INIP: variants seen among roughly 807,000 people sequenced by gnomAD.
INIP encodes the protein INTS3 and NABP interacting protein, also known as SOSS complex subunit C.
A neutral mutation model predicts 14.0 loss-of-function variants in INIP; 9 were observed. That is an observed-to-expected ratio of 0.64 (90% CI 0.39 to 1.12). The LOEUF (loss-of-function observed/expected upper bound fraction) is 1.12, where lower values mean the gene tolerates loss of function less well. Ranked by LOEUF, INIP falls within the 50% of genes most tolerant of loss-of-function variation. The probability of loss-of-function intolerance (pLI) is 0.01; values close to 1 mark genes in which losing one functional copy is unlikely to be tolerated. For synonymous variants in INIP, 37 were observed against 41.5 expected (o/e 0.89, Z 0.41); for missense variants, 78 against 122.7 (o/e 0.64, Z 1.72).
At chr9:112,702,605 G>T (rs1014596953) in intron 2 of INIP, among the ~76,000 whole-genome samples, 5 of 151,906 alleles carry the variant, frequency 3.3e-5, no homozygotes, top group Admixed American at 2.6e-4. Flanking sequence ...TCGCTCTGTC[G>T]CCAGGCTGGA....
chr9:112,697,627 A>T (rs1473272312), intron 2 of INIP, among the ~76,000 whole-genome samples: 1 of 152,158 alleles, frequency 6.6e-6, no homozygotes, highest in Non-Finnish European at 1.5e-5. Flanking sequence ...ACATTCTCCT[A>T]GTACCCCTAC....
rs2131275036 is a variant in INIP at position 112,687,034 on chromosome 9, T to A, written c.*504A>T. 1 of 152,442 alleles carries A rather than the reference T, an allele frequency of 6.6e-6. No individual in the cohort carries two copies. Among genetic ancestry groups the A allele is most frequent in the South Asian group, 2.1e-4 (1 of 4,830 alleles). 9.4% of individuals were successfully genotyped at this position (152,442 alleles called of 1,614,324 possible). ...TGAAAAAGGGGGAAGTAGTTATAAG[T>A]CCAGAAAGAATATTTCAGGATGATA... is the stretch of plus-strand genomic sequence containing the variant. On this transcript the variant is annotated 3_prime_UTR_variant, in exon 5 of 5. Transcript: ENST00000374242.
At position 112,700,524 on chromosome 9, in the gene INIP, A is replaced by AAT. The variant is rs1220525854; in HGVS notation, c.26-6293_26-6292dup. Among the ~76,000 whole-genome samples, 276 of 137,108 alleles carry AAT rather than the reference A, an allele frequency of 2.0e-3. 1 individual carries two copies. The highest frequency in any genetic ancestry group is 9.9e-3 in the East Asian group (49 of 4,960). 89.9% of individuals were successfully genotyped at this position (137,108 alleles called of 152,430 possible). The stretch of plus-strand genomic sequence containing the variant: ...AAAGACTTATAAATTAGGTATATAT[A>AAT]ATATATATATATATTATATATACCT... On this transcript the variant is annotated intron_variant, in intron 2 of 4. Transcript: ENST00000374242.
chr9:112,687,754 TA>T, intron 4 of INIP, 121 bp from the exon 5 acceptor site: 1 of 530,578 alleles, frequency 1.9e-6, no homozygotes, highest in Non-Finnish European at 3.3e-6. Flanking sequence ...TTTATTCATT[TA>T]TTTTTCATTG....
intron 2 of INIP, chr9:112,701,890 A>C (rs1020294842): frequency 1.3e-5 from 2 of 152,036 alleles, no homozygotes; most frequent in Non-Finnish European, 2.9e-5. Context: ...TCTGTACAAA[A>C]AAAAAAAAAA....
intron 3 of INIP, among the ~76,000 whole-genome samples, chr9:112,693,094 A>C (rs920848547): frequency 1.3e-5 from 2 of 152,018 alleles, no homozygotes; most frequent in Non-Finnish European, 2.9e-5. Flanking sequence ...TTCTAGTTAG[A>C]ATGTTTACAA....
At chr9:112,688,442 G>A (rs982473209) in intron 4 of INIP, among the ~76,000 whole-genome samples, 2 of 150,622 alleles carry the variant, frequency 1.3e-5, no homozygotes, top group African/African-American at 2.4e-5. Context: ...GGTAGAGAAC[G>A]TTGGAATGTA....
intron 2 of INIP, among the ~76,000 whole-genome samples, chr9:112,706,602 T>C (rs1465547757): frequency 2.0e-5 from 3 of 152,058 alleles, no homozygotes; most frequent in African/African-American, 7.2e-5. Context: ...TCAAACTTAC[T>C]CTAACTAGGG....
At chr9:112,700,539 T>TATA (rs1564232133) in intron 2 of INIP, among the ~76,000 whole-genome samples, 27 of 104,404 alleles carry the variant, frequency 2.6e-4, no homozygotes, top group African/African-American at 1.3e-3. Flanking sequence ...ATATATATAT[T>TATA]ATATATACCT....
intron 3 of INIP, among the ~76,000 whole-genome samples, chr9:112,692,197 T>TA (rs1203531163): frequency 5.9e-5 from 9 of 152,118 alleles, no homozygotes; most frequent in Non-Finnish European, 1.2e-4. Flanking sequence ...GAGGCATCAA[T>TA]AAGTGAGAAA....
At chr9:112,701,488 A>G (rs1473484951) in intron 2 of INIP, among the ~76,000 whole-genome samples, 4 of 152,242 alleles carry the variant, frequency 2.6e-5, no homozygotes, top group Non-Finnish European at 5.9e-5. Context: ...ACGTTTCCCT[A>G]AAAGTTACAT....
At chr9:112,692,011 A>G (rs992687434) in intron 3 of INIP, among the ~76,000 whole-genome samples, 1 of 151,808 alleles carries the variant, frequency 6.6e-6, no homozygotes, top group Middle Eastern at 3.2e-3. Context: ...GTCTCAAAAA[A>G]AAAGAAAAAA....
chr9:112,714,731 T>C (rs1838752103), intron 2 of INIP, among the ~76,000 whole-genome samples: 1 of 152,218 alleles, frequency 6.6e-6, no homozygotes, highest in Admixed American at 6.5e-5. Flanking sequence ...AGATTAATAA[T>C]ATAAAGGATG....
chr9:112,692,364 AG>A (rs768813082), intron 3 of INIP, among the ~76,000 whole-genome samples: 3 of 152,158 alleles, frequency 2.0e-5, no homozygotes, highest in Admixed American at 6.5e-5. Flanking sequence ...AGCTCATTGC[AG>A]CCCCAACCTC....
chr9:112,706,496 C>T (rs1472157170), intron 2 of INIP, among the ~76,000 whole-genome samples: 1 of 152,034 alleles, frequency 6.6e-6, no homozygotes, highest in Non-Finnish European at 1.5e-5. Context: ...TCAAGCAATC[C>T]TCCTGCCTCA....
chr9:112,687,724 C>T (rs777889265), intron 4 of INIP, 91 bp from the exon 5 acceptor site: 1 of 605,944 alleles, frequency 1.7e-6, no homozygotes, highest in Non-Finnish European at 2.8e-6. Flanking sequence ...TTTCTGAATG[C>T]TTGAGACCAA....
chr9:112,709,938 G>C (rs1276160921), intron 2 of INIP, among the ~76,000 whole-genome samples: 1 of 152,192 alleles, frequency 6.6e-6, no homozygotes, highest in Admixed American at 6.5e-5. Context: ...CAATTAAAAT[G>C]CAACAAAAAG....
intron 2 of INIP, among the ~76,000 whole-genome samples, chr9:112,712,849 AAAGACATC>A (rs1031021782): frequency 3.3e-5 from 5 of 152,244 alleles, no homozygotes; most frequent in African/African-American, 9.6e-5. Flanking sequence ...AAATTTAGTG[AAAGACATC>A]AACCTACAGA....
chr9:112,710,436 G>A (rs1028752039), intron 2 of INIP, among the ~76,000 whole-genome samples: 1 of 152,166 alleles, frequency 6.6e-6, no homozygotes, highest in Non-Finnish European at 1.5e-5. Context: ...ATAGGACCTT[G>A]ATATTTACCA....
Sources: allele counts gnomAD v4.1 joint callset (sites outside exome capture counted in the v4.1 genomes callset), GRCh38; gene constraint gnomAD v4.1.1; transcripts MANE v1.5; gene names NCBI Gene and HGNC (gene_info 2026-07-23, HGNC 2026-07-21).